Variants in MYO1H observed in about 807,000 individuals in gnomAD.
MYO1H encodes myosin IH.
In MYO1H, 118 loss-of-function variants were observed where a neutral mutation model predicts 149.3. The observed-to-expected ratio is 0.79, with a 90% CI of 0.68 to 0.92. MYO1H has a LOEUF of 0.92. Among genes scored for constraint, MYO1H ranks in the 40% least tolerant of loss-of-function variants. The probability of loss-of-function intolerance (pLI) is 0.00; values close to 1 mark genes in which losing one functional copy is unlikely to be tolerated. For missense variants in MYO1H, 1,212 were observed against 1,280.7 expected (o/e 0.95, Z 0.82); for synonymous variants, 447 against 465.2 (o/e 0.96, Z 0.50).
At chr12:109,318,972 G>GTTT in the MYO1H span, among the ~76,000 whole-genome samples, 21 of 77,254 alleles carry the variant, frequency 2.7e-4, no homozygotes, top group Non-Finnish European at 4.3e-4. Context: ...TTTTGGTTTT[G>GTTT]TTTTTTTTTT....
intron 10 of MYO1H, 61 bp downstream of exon 10, chr12:109,407,974 G>A (rs181015261): frequency 1.2e-5 from 13 of 1,122,974 alleles, no homozygotes; most frequent in South Asian, 1.5e-5. Flanking sequence ...TATAATCATC[G>A]TTTCTTTAAA....
Position 109,444,550 on chromosome 12 carries a change from C to A in MYO1H, c.2993+21C>A, listed in dbSNP as rs758348054. Reference sequence around the variant, plus strand: ...GGAAGGTAGGTGGCTTCATCTTCAGCTCAGGAAGTAATTCAATGTTAAAAT... The same window carrying A: ...GGAAGGTAGGTGGCTTCATCTTCAGATCAGGAAGTAATTCAATGTTAAAAT... On this transcript the variant is annotated intron_variant, in intron 30 of 31. Transcript: ENST00000310903. 7.0e-6 allele frequency: 11 copies of A among 1,564,132 alleles called. No homozygotes were observed. In the South Asian group the frequency reaches 1.1e-4, roughly 16 times the overall value.
At chr12:109,427,404 T>C in intron 18 of MYO1H, 65 bp from the exon 19 acceptor site, 1 of 1,039,726 alleles carries the variant, frequency 9.6e-7, no homozygotes, top group East Asian at 2.4e-5. Flanking sequence ...CAGCCTGTGA[T>C]CTGCCTTGGT....
the MYO1H span, among the ~76,000 whole-genome samples, chr12:109,335,879 CTTATA>C: frequency 3.2e-3 from 486 of 152,282 alleles, 3 homozygotes; most frequent in African/African-American, 0.011. Flanking sequence ...ATGTGTTTGT[CTTATA>C]TTCAGCCACT....
intron 13 of MYO1H, among the ~76,000 whole-genome samples, 158 bp from the exon 14 acceptor site, chr12:109,411,736 T>G (rs1215921772): frequency 1.6e-5 from 2 of 126,256 alleles, no homozygotes; most frequent in Admixed American, 8.7e-5. Flanking sequence ...GCCAAACACA[T>G]GGATTAAGCC....
intron 5 of MYO1H, among the ~76,000 whole-genome samples, chr12:109,400,812 A>G (rs1870129075): frequency 6.6e-6 from 1 of 152,330 alleles, no homozygotes; most frequent in Admixed American, 6.5e-5. Context: ...ACCCCTCTGC[A>G]TATACAAAAA....
chr12:109,393,346 C>A (rs868225086), exon 3 of MYO1H: 1 of 1,576,870 alleles, frequency 6.3e-7, no homozygotes, highest in East Asian at 2.3e-5. Flanking sequence ...TATTGGCACC[C>A]TCCTTGTGTC....
intron 1 of MYO1H, among the ~76,000 whole-genome samples, chr12:109,387,344 G>A (rs1869385809): frequency 1.3e-5 from 2 of 152,192 alleles, no homozygotes; most frequent in Admixed American, 1.3e-4. Flanking sequence ...TTGAGACGCA[G>A]TCTTATTAAA....
At chr12:109,424,008 C>A (rs1484517579) in intron 16 of MYO1H, among the ~76,000 whole-genome samples, 2 of 152,242 alleles carry the variant, frequency 1.3e-5, no homozygotes, top group Non-Finnish European at 2.9e-5. Context: ...CAACTGCTCT[C>A]ACCTTTGTAT....
intron 14 of MYO1H, among the ~76,000 whole-genome samples, chr12:109,413,995 A>G (rs781234879): frequency 3.3e-5 from 5 of 152,156 alleles, no homozygotes; most frequent in Non-Finnish European, 4.4e-5. Flanking sequence ...ATGCTGCTAC[A>G]TGTCTGGTTG....
intron 10 of MYO1H, 28 bp downstream of exon 10, chr12:109,407,941 C>A: frequency 6.2e-7 from 1 of 1,607,900 alleles, no homozygotes; most frequent in South Asian, 1.1e-5. Flanking sequence ...GGATCCCTTG[C>A]TCTTGCTCAC....
chr12:109,396,600 A>G lies in MYO1H; in HGVS notation c.489+18A>G, dbSNP rs748687924. 6.3e-7 allele frequency: 1 copy of G among 1,597,656 alleles called. No homozygotes were observed. Among genetic ancestry groups the G allele is most frequent in the South Asian group, 1.1e-5 (1 of 88,080 alleles). ...TGCTGGAGGTAAGCGATCTCTGGGG[A>G]CCAATCGAAGGGAGTTCCAGGGAGG... On this transcript the variant is annotated intron_variant, in intron 4 of 31. Coordinates refer to ENST00000310903, the Ensembl canonical transcript of MYO1H.
intron 1 of MYO1H, among the ~76,000 whole-genome samples, chr12:109,372,899 C>A (rs949231224): frequency 3.9e-5 from 6 of 152,112 alleles, no homozygotes; most frequent in African/African-American, 1.4e-4. Flanking sequence ...CATAGTATAT[C>A]TTTCCATTTG....
intron 18 of MYO1H, among the ~76,000 whole-genome samples, chr12:109,426,696 A>G (rs1004801791): frequency 3.3e-5 from 5 of 152,150 alleles, no homozygotes; most frequent in African/African-American, 1.2e-4. Flanking sequence ...AAAATGATCT[A>G]TGACTTGGGT....
chr12:109,376,433 T>C (rs1869088930), intron 1 of MYO1H, among the ~76,000 whole-genome samples: 1 of 152,226 alleles, frequency 6.6e-6, no homozygotes. Context: ...CTCCTTTCTT[T>C]TTGTTGCCAC....
intron 6 of MYO1H, among the ~76,000 whole-genome samples, chr12:109,402,602 T>C (rs1870213703): frequency 6.6e-6 from 1 of 152,190 alleles, no homozygotes; most frequent in Non-Finnish European, 1.5e-5. Context: ...ACCCCATCTC[T>C]AAATGTATTT....
At chr12:109,389,700 A>G (rs1371086013) in intron 2 of MYO1H, among the ~76,000 whole-genome samples, 4 of 152,226 alleles carry the variant, frequency 2.6e-5, no homozygotes, top group African/African-American at 4.8e-5. Flanking sequence ...CCTCTAGGGT[A>G]AACTTCATAG....
intron 22 of MYO1H, 103 bp downstream of exon 22, chr12:109,436,659 T>A (rs1399871586): frequency 1.3e-6 from 1 of 751,776 alleles, no homozygotes; most frequent in East Asian, 2.7e-5. Flanking sequence ...CTTAAAACCT[T>A]GTGTGGTGCT....
chr12:109,329,455 A>G, the MYO1H span, among the ~76,000 whole-genome samples: 4 of 152,158 alleles, frequency 2.6e-5, no homozygotes, highest in African/African-American at 9.7e-5. Context: ...AGAGAGGGAG[A>G]GAATCTTTCC....
Sources: allele counts gnomAD v4.1 joint callset (sites outside exome capture counted in the v4.1 genomes callset), GRCh38; gene constraint gnomAD v4.1.1; transcripts MANE v1.5; gene names NCBI Gene and HGNC (gene_info 2026-07-23, HGNC 2026-07-21).